The following MS4A13 variants were observed in gnomAD, a reference collection of about 807,000 sequenced individuals.
MS4A13 encodes membrane spanning 4-domains A13, also known as membrane-spanning 4-domains subfamily A member 13.
Under a neutral mutation model 18.4 loss-of-function variants are expected in MS4A13, and 21 were observed. That is an observed-to-expected ratio of 1.14 (90% CI 0.81 to 1.64). MS4A13 has a LOEUF of 1.64. Ranked by LOEUF, MS4A13 falls within the 40% of genes most tolerant of loss-of-function variation. MS4A13 has a pLI of 0.00. For missense variants in MS4A13, 173 were observed against 176.8 expected, an observed-to-expected ratio of 0.98 and a Z score of 0.12; for synonymous variants, 62 against 57.2, an observed-to-expected ratio of 1.08 and a Z score of -0.38.
At chr11:60,522,197 C>T (rs894703952) in intron 3 of MS4A13, among the ~76,000 whole-genome samples, 21 of 129,904 alleles carry the variant, frequency 1.6e-4, no homozygotes, top group Middle Eastern at 7.6e-3. Flanking sequence ...AAAGATCAGA[C>T]AGATAGATAG....
At chr11:60,522,239 G>GATAGATGTATATATATATATATCTATAT (rs55942628) in intron 3 of MS4A13, among the ~76,000 whole-genome samples, 3,478 of 133,628 alleles carry the variant, frequency 0.026, 70 homozygotes, top group Middle Eastern at 0.054. Flanking sequence ...TAGATAGATA[G>GATAGATGTATATATATATATATCTATAT]ATGTATATAT....
In MS4A13 at chr11:60,542,604, T is replaced by C. The variant is rs775795352; in HGVS notation, c.*29T>C. On this transcript the variant is annotated 3_prime_UTR_variant, in exon 7 of 7. Coordinates refer to ENST00000378186, the MANE Select transcript of MS4A13 (RefSeq NM_001012417.3). ...CCCTAGAAATATGAGAATTTTGCTGTTGCTGATGCCTGGTGTGGGTCCTAA... is the reference window on the plus strand; with the variant it reads ...CCCTAGAAATATGAGAATTTTGCTGCTGCTGATGCCTGGTGTGGGTCCTAA... 2 of 1,497,662 alleles carry C rather than the reference T, an allele frequency of 1.3e-6. No individual in the cohort carries two copies. Among genetic ancestry groups the C allele is most frequent in the Non-Finnish European group, 9.3e-7 (1 of 1,079,474 alleles). 92.8% of individuals were successfully genotyped at this position (1,497,662 alleles called of 1,614,324 possible).
intron 5 of MS4A13, among the ~76,000 whole-genome samples, chr11:60,527,362 GTCTC>G (rs1313348420): frequency 3.8e-4 from 24 of 62,602 alleles, no homozygotes; most frequent in African/African-American, 1.7e-3. Context: ...CATTCATTCC[GTCTC>G]TCTCTCTCTC....
chr11:60,538,279 G>A (rs1005719628), intron 6 of MS4A13, among the ~76,000 whole-genome samples: 2 of 151,698 alleles, frequency 1.3e-5, no homozygotes, highest in African/African-American at 4.8e-5. Context: ...CATAGATGAG[G>A]CAAAAAGGTG....
intron 1 of MS4A13, 44 bp from the exon 2 acceptor site, chr11:60,515,925 T>G (rs1353130944): frequency 6.6e-6 from 1 of 152,216 alleles, no homozygotes; most frequent in Admixed American, 6.5e-5. Context: ...TTACGTATTT[T>G]CTTCTAAGAA....
At chr11:60,531,998 T>C (rs1006607577) in intron 6 of MS4A13, among the ~76,000 whole-genome samples, 1 of 152,178 alleles carries the variant, frequency 6.6e-6, no homozygotes, top group Non-Finnish European at 1.5e-5. Context: ...ATTGCTACCA[T>C]ATATTATCTA....
At chr11:60,531,497 G>A (rs1315531235) in intron 6 of MS4A13, among the ~76,000 whole-genome samples, 1 of 152,152 alleles carries the variant, frequency 6.6e-6, no homozygotes, top group Non-Finnish European at 1.5e-5. Context: ...AGTAAAAGCT[G>A]GGGCAACCTC....
At chr11:60,539,162 C>G (rs1408331172) in intron 6 of MS4A13, among the ~76,000 whole-genome samples, 3 of 118,098 alleles carry the variant, frequency 2.5e-5, no homozygotes, top group Non-Finnish European at 5.0e-5. Flanking sequence ...ACTTGCAGAA[C>G]TATGAGTTAA....
intron 3 of MS4A13, among the ~76,000 whole-genome samples, chr11:60,520,384 G>A (rs1269593720): frequency 6.6e-6 from 1 of 152,092 alleles, no homozygotes; most frequent in African/African-American, 2.4e-5. Flanking sequence ...TCTCATCTGA[G>A]ACAAGGCAAG....
In MS4A13 at chr11:60,516,041, G is replaced by T. The variant is rs893156879; in HGVS notation, c.-56G>T. 1 of 152,210 alleles carries T rather than the reference G, an allele frequency of 6.6e-6. No individual in the cohort carries two copies. The highest frequency in any genetic ancestry group is 1.5e-5 in the Non-Finnish European group (1 of 68,026). 9.4% of individuals were successfully genotyped at this position (152,210 alleles called of 1,614,324 possible). The stretch of plus-strand genomic sequence containing the variant: ...AGAGGAAATGCTGGCAGTATGGCAT[G>T]TGTTCTTTAACAAATCTCTACAGCA... On this transcript the variant is annotated 5_prime_UTR_variant, in exon 2 of 7. It removes an upstream start codon present in the reference 5' UTR. Transcript: ENST00000378186.
intron 3 of MS4A13, among the ~76,000 whole-genome samples, chr11:60,522,879 T>C (rs4939393): frequency 0.17 from 25,179 of 152,064 alleles, 2,310 homozygotes; most frequent in East Asian, 0.27. Flanking sequence ...TGACCACTCA[T>C]ATTATAAAAA....
chr11:60,525,525 T>A (rs1371364043), intron 5 of MS4A13, among the ~76,000 whole-genome samples, 199 bp downstream of exon 5: 1 of 152,242 alleles, frequency 6.6e-6, no homozygotes, highest in African/African-American at 2.4e-5. Flanking sequence ...AATGTTTGAA[T>A]TCTTGACTTG....
At chr11:60,531,941 G>C (rs1323446124) in intron 6 of MS4A13, among the ~76,000 whole-genome samples, 1 of 152,078 alleles carries the variant, frequency 6.6e-6, no homozygotes, top group South Asian at 2.1e-4. Flanking sequence ...CTAACCACTG[G>C]TATTGCTAAC....
chr11:60,516,444 G>T (rs1200549047), intron 2 of MS4A13, among the ~76,000 whole-genome samples: 1 of 152,144 alleles, frequency 6.6e-6, no homozygotes, highest in Non-Finnish European at 1.5e-5. Flanking sequence ...TGAACACCAA[G>T]GAATTATGAG....
chr11:60,519,801 T>TA (rs1400409440), intron 3 of MS4A13, among the ~76,000 whole-genome samples: 2 of 152,132 alleles, frequency 1.3e-5, no homozygotes, highest in Admixed American at 6.5e-5. Flanking sequence ...AAATTTAAGT[T>TA]AGTGATGGAA....
chr11:60,542,689 C>G lies in MS4A13; in HGVS notation c.*114C>G. 1.7e-6 allele frequency: 1 copy of G among 576,722 alleles called. No homozygotes were observed. Among genetic ancestry groups the G allele is most frequent in the Non-Finnish European group, 3.0e-6 (1 of 337,300 alleles). The allele number at this position is 576,722 out of a possible 1,614,324, so 35.7% of individuals were successfully genotyped here. On this transcript the variant is annotated 3_prime_UTR_variant, in exon 7 of 7. Transcript: ENST00000378186. ...TACAGATTTTGTGCAAAATAAAATACAAACAAGGTGAATTTTTCTCCTCAT... is the reference window on the plus strand; with the variant it reads ...TACAGATTTTGTGCAAAATAAAATAGAAACAAGGTGAATTTTTCTCCTCAT...
chr11:60,520,438 T>C (rs1054310921), intron 3 of MS4A13, among the ~76,000 whole-genome samples: 1 of 152,188 alleles, frequency 6.6e-6, no homozygotes, highest in Admixed American at 6.5e-5. Context: ...GCAAGTTAGT[T>C]ACTTCCTAGA....
chr11:60,523,689 T>C (rs2086692896), intron 3 of MS4A13, among the ~76,000 whole-genome samples: 1 of 152,218 alleles, frequency 6.6e-6, no homozygotes, highest in Non-Finnish European at 1.5e-5. Flanking sequence ...CTGTCCCCTA[T>C]GTGTCTCTGT....
chr11:60,542,983 G>T (rs1156906842), downstream of MS4A13, among the ~76,000 whole-genome samples: 1 of 152,116 alleles, frequency 6.6e-6, no homozygotes, highest in Non-Finnish European at 1.5e-5. Context: ...TTTACAGTCT[G>T]AGTTCTTCTA....
Sources: allele counts gnomAD v4.1 joint callset (sites outside exome capture counted in the v4.1 genomes callset), GRCh38; gene constraint gnomAD v4.1.1; transcripts MANE v1.5; gene names NCBI Gene and HGNC (gene_info 2026-07-23, HGNC 2026-07-21).